Variants in OGDH observed in about 807,000 individuals in gnomAD.
The protein encoded by OGDH is 2-oxoglutarate dehydrogenase complex component E1.
A neutral mutation model predicts 116.6 loss-of-function variants in OGDH; 38 were observed. That is an observed-to-expected ratio of 0.33 (90% confidence interval 0.25 to 0.43). The LOEUF (loss-of-function observed/expected upper bound fraction) is 0.43, where lower values mean the gene tolerates loss of function less well. Among genes scored for constraint, OGDH ranks in the 20% least tolerant of loss-of-function variants. The pLI is 1.00. For missense variants in OGDH, 825 were observed against 1,357.2 expected (o/e 0.61, Z 6.16); for synonymous variants, 488 against 533.3 (o/e 0.92, Z 1.17).
chr7:44,703,062 T>C (rs1173425264), intron 20 of OGDH, among the ~76,000 whole-genome samples: 1 of 152,342 alleles, frequency 6.6e-6, no homozygotes. Context: ...TTGTTTCATT[T>C]AGTATAATGT....
At chr7:44,675,124 A>G (rs1787634939) in intron 7 of OGDH, 54 bp from the exon 8 acceptor site, 5 of 1,439,916 alleles carry the variant, frequency 3.5e-6, no homozygotes, top group Non-Finnish European at 4.9e-6. Flanking sequence ...CTCATCTGCC[A>G]TCTGGAAACC....
chr7:44,707,630 C>A lies in OGDH; in HGVS notation c.2845C>A (p.Pro949Thr). The A allele has an allele frequency of 6.2e-7, 1 of 1,614,192 alleles. No individual in the cohort carries two copies. Among genetic ancestry groups the A allele is most frequent in the Non-Finnish European group, 8.5e-7 (1 of 1,180,040 alleles). ...DLLLKEVQKY[P>T]NAELAWCQEE... ...CCTGCTGAAGGAGGTGCAGAAGTACCCCAATGCTGAGCTGGCCTGGTGCCA... is the reference window on the plus strand; with the variant it reads ...CCTGCTGAAGGAGGTGCAGAAGTACACCAATGCTGAGCTGGCCTGGTGCCA... Residue 949 changes from proline to threonine, a missense_variant, in exon 22 of 23, where the codon CCC becomes ACC. By Grantham distance (38) the Pro-to-Thr change is conservative. Transcript: ENST00000222673. The surrounding 1 kb of genome is among the most constrained non-coding windows in gnomAD (Gnocchi z 5.2).
At chr7:44,651,813 G>T (rs1786460211) in intron 4 of OGDH, among the ~76,000 whole-genome samples, 1 of 151,658 alleles carries the variant, frequency 6.6e-6, no homozygotes, top group Admixed American at 6.6e-5. Flanking sequence ...CACCTGCCTT[G>T]GCCTCCCAAA....
intron 2 of OGDH, among the ~76,000 whole-genome samples, chr7:44,642,168 C>A (rs1020869644): frequency 1.3e-5 from 2 of 152,182 alleles, no homozygotes; most frequent in African/African-American, 4.8e-5. Context: ...ATAATCCTTG[C>A]ACTTTGGGAG....
chr7:44,616,671 GTA>G, intron 1 of OGDH, among the ~76,000 whole-genome samples: 1 of 141,640 alleles, frequency 7.1e-6, no homozygotes, highest in South Asian at 2.2e-4. Flanking sequence ...ACGTATATAC[GTA>G]TATATACACA....
At chr7:44,679,894 T>C (rs890566305) in intron 9 of OGDH, among the ~76,000 whole-genome samples, 4 of 152,146 alleles carry the variant, frequency 2.6e-5, no homozygotes, top group African/African-American at 7.2e-5. Context: ...GACTTTGCAC[T>C]TGCCAGCCTG....
intron 2 of OGDH, among the ~76,000 whole-genome samples, chr7:44,627,465 T>C (rs1319175435): frequency 6.6e-6 from 1 of 152,222 alleles, no homozygotes; most frequent in Non-Finnish European, 1.5e-5. Flanking sequence ...ATAGAGATAA[T>C]AAAATTAGAA....
chr7:44,702,016 A>T (rs1435229275), intron 20 of OGDH, among the ~76,000 whole-genome samples: 3 of 151,386 alleles, frequency 2.0e-5, no homozygotes, highest in Non-Finnish European at 4.4e-5. Flanking sequence ...CGTTGCAGTG[A>T]GCTGCTATCA....
At position 44,668,400 on chromosome 7, in the gene OGDH, C is replaced by T. The variant is rs1026081404; in HGVS notation, c.633+1549C>T. ...GCAGTGAGCGAAGATCGCGCCACTG[C>T]ACTCCAGCCTGGGCAACAGAGCAAG... On this transcript the variant is annotated intron_variant, in intron 5 of 22. Transcript: ENST00000222673. 7.9e-5 allele frequency among the ~76,000 whole-genome samples: 12 copies of T among 152,206 alleles called. No individual in the cohort carries two copies. In the South Asian group the frequency reaches 2.1e-3, roughly 26 times the overall value.
At chr7:44,663,129 C>T (rs1787021569) in intron 4 of OGDH, among the ~76,000 whole-genome samples, 1 of 152,078 alleles carries the variant, frequency 6.6e-6, no homozygotes, top group Admixed American at 6.5e-5. Flanking sequence ...TATTTCCTTT[C>T]TGTTCTTCAG....
intron 5 of OGDH, among the ~76,000 whole-genome samples, chr7:44,669,501 G>C (rs1362099537): frequency 6.6e-6 from 1 of 151,054 alleles, no homozygotes; most frequent in African/African-American, 2.4e-5. Flanking sequence ...CTCCCATGGA[G>C]TCACTGTCTC....
At chr7:44,633,769 C>T (rs974594008) in intron 2 of OGDH, among the ~76,000 whole-genome samples, 12 of 152,186 alleles carry the variant, frequency 7.9e-5, no homozygotes, top group African/African-American at 2.9e-4. Flanking sequence ...ACAGATGAGG[C>T]CTCAACCAGA....
chr7:44,697,622 C>T lies in OGDH; in HGVS notation c.2198C>T (p.Ala733Val). The change falls in exon 17 of 23, where the codon GCC (alanine) becomes GTC (valine). Residue 733 changes from alanine to valine, a missense_variant. This residue lies in a region of OGDH where 73 missense variants were observed against 182.3 expected (regional missense o/e 0.40). Transcript: ENST00000222673. This position sits in a 1 kb window ranked among gnomAD's most constrained non-coding sequence, Gnocchi z 6.0. Reference protein sequence around the residue: ...YGVLGFELGFAMASPNALVLW... With the variant: ...YGVLGFELGFVMASPNALVLW... ...CTTGTAGGCTTTGAGCTGGGCTTCG[C>T]CATGGCCAGTCCTAATGCCCTGGTC... 6.2e-7 allele frequency: 1 copy of T among 1,614,232 alleles called. No homozygotes were observed.
intron 5 of OGDH, among the ~76,000 whole-genome samples, chr7:44,668,341 G>A (rs1264626450): frequency 1.3e-5 from 2 of 152,130 alleles, no homozygotes; most frequent in Admixed American, 6.5e-5. Flanking sequence ...GGAGGCTGAC[G>A]CAGATAATTG....
chr7:44,609,016 C>CT (rs1473611027), intron 1 of OGDH, among the ~76,000 whole-genome samples: 4 of 152,114 alleles, frequency 2.6e-5, no homozygotes, highest in Non-Finnish European at 4.4e-5. Flanking sequence ...CCTTCCATTG[C>CT]TTTTTTATAG....
At position 44,669,631 on chromosome 7, in the gene OGDH, C is replaced by A. The variant is rs141069169; in HGVS notation, c.633+2780C>A. ...CTGAATCTTGAATCCCAGGTAATTT[C>A]GATTTCATCATATGAAGGGGGTGGA... is the stretch of plus-strand genomic sequence containing the variant. On this transcript the variant is annotated intron_variant, in intron 5 of 22. Transcript: ENST00000222673. 5.9e-5 allele frequency among the ~76,000 whole-genome samples: 9 copies of A among 152,156 alleles called. No individual in the cohort carries two copies. In the East Asian group the frequency reaches 1.7e-3, roughly 29 times the overall value.
intron 20 of OGDH, among the ~76,000 whole-genome samples, chr7:44,705,440 A>G (rs1244050225): frequency 6.6e-6 from 1 of 152,180 alleles, no homozygotes; most frequent in East Asian, 1.9e-4. Flanking sequence ...TCATTACCAA[A>G]TTCAGTGTTG....
intron 10 of OGDH, among the ~76,000 whole-genome samples, chr7:44,684,580 A>G (rs953771049): frequency 6.6e-6 from 1 of 152,178 alleles, no homozygotes; most frequent in Non-Finnish European, 1.5e-5. Flanking sequence ...TTTGTAGGGT[A>G]GTTACCCATG....
intron 9 of OGDH, among the ~76,000 whole-genome samples, chr7:44,680,537 C>CAT (rs3222464): frequency 2.3e-5 from 3 of 130,208 alleles, no homozygotes; most frequent in East Asian, 2.4e-4. Context: ...AGTTTTATTG[C>CAT]ATACACACAC....
Sources: gnomAD v4.1 joint callset for allele counts (sites outside exome capture counted in the v4.1 genomes callset) on GRCh38, gnomAD v4.1.1 for gene constraint, gnomAD v4.1.1 regional missense constraint, Gnocchi (gnomAD v3.1) non-coding constraint, MANE v1.5 for transcripts, NCBI Gene and HGNC (gene_info 2026-07-23, HGNC 2026-07-21) for gene names.